Variants in HECW2 observed in about 807,000 individuals in gnomAD.
The protein encoded by HECW2 is HECT, C2 and WW domain containing E3 ubiquitin protein ligase 2, also known as E3 ubiquitin-protein ligase HECW2.
In HECW2, 61 loss-of-function variants were observed where a neutral mutation model predicts 175.2. The ratio of observed to expected loss-of-function variants is 0.35; its 90% CI spans 0.28 to 0.43. The LOEUF (loss-of-function observed/expected upper bound fraction) is 0.43, where lower values mean the gene tolerates loss of function less well. HECW2 is among the 20% of genes least tolerant of loss of function. The probability of loss-of-function intolerance (pLI) is 1.00; values close to 1 mark genes in which losing one functional copy is unlikely to be tolerated. For missense variants in HECW2, 1,524 were observed against 2,000.5 expected, an observed-to-expected ratio of 0.76 and a Z score of 4.54; for synonymous variants, 671 against 731.0, an observed-to-expected ratio of 0.92 and a Z score of 1.32.
chr2:196,404,158 G>C (rs1694896851), intron 2 of HECW2, among the ~76,000 whole-genome samples: 4 of 152,276 alleles, frequency 2.6e-5, no homozygotes, highest in Non-Finnish European at 1.5e-5. Context: ...TATCCACATA[G>C]GATACTCTTG....
rs78096366 is a variant in HECW2, at chr2:196,380,645, C to T, written c.293-36881G>A. ...AAATGGGGCTTTTCCAGAGAGCTGC[C>T]AGACATGTCAGGTAGTGACAATTCT... On this transcript the variant is annotated intron_variant, in intron 2 of 28. Transcript: ENST00000644978. 2.9e-3 allele frequency among the ~76,000 whole-genome samples: 434 copies of T among 152,246 alleles called. 1 individual carries two copies. Among genetic ancestry groups the T allele is most frequent in the African/African-American group, 9.4e-3 (391 of 41,546 alleles).
chr2:196,238,740 A>T (rs954439898), intron 21 of HECW2: 2 of 152,224 alleles, frequency 1.3e-5, no homozygotes, highest in Non-Finnish European at 2.9e-5. Flanking sequence ...TGATGGAGGC[A>T]GGAAGCATTT....
chr2:196,342,231 C>T (rs887454968), intron 3 of HECW2, among the ~76,000 whole-genome samples: 12 of 151,516 alleles, frequency 7.9e-5, no homozygotes, highest in African/African-American at 2.9e-4. Flanking sequence ...ATGGAGAAAC[C>T]CTGTCTCTAC....
At chr2:196,283,038 A>C (rs1690245006) in intron 14 of HECW2, among the ~76,000 whole-genome samples, 1 of 151,966 alleles carries the variant, frequency 6.6e-6, no homozygotes. Flanking sequence ...AGGCAGGCGG[A>C]TCATGAGGTC....
chr2:196,593,260 G>C (rs1467468096), intron 1 of HECW2, among the ~76,000 whole-genome samples: 1 of 151,474 alleles, frequency 6.6e-6, no homozygotes, highest in African/African-American at 2.4e-5. Context: ...CGAAGCCATG[G>C]CTCCCGCCCG....
chr2:196,409,483 T>A (rs1007274344), intron 2 of HECW2, among the ~76,000 whole-genome samples: 1 of 152,164 alleles, frequency 6.6e-6, no homozygotes, highest in Non-Finnish European at 1.5e-5. Flanking sequence ...CAGCAAGACA[T>A]GGATCAATCT....
intron 1 of HECW2, among the ~76,000 whole-genome samples, chr2:196,490,622 A>G (rs1481281814): frequency 3.3e-5 from 5 of 152,224 alleles, no homozygotes; most frequent in Non-Finnish European, 7.3e-5. Flanking sequence ...AGAAATAAAA[A>G]CATATGTTCA....
intron 1 of HECW2, among the ~76,000 whole-genome samples, chr2:196,450,423 C>T (rs1225043461): frequency 6.6e-6 from 1 of 151,940 alleles, no homozygotes; most frequent in African/African-American, 2.4e-5. Context: ...GCATGTTCAA[C>T]CACCATTGTC....
At chr2:196,345,035 A>G (rs1457105226) in intron 2 of HECW2, among the ~76,000 whole-genome samples, 2 of 152,192 alleles carry the variant, frequency 1.3e-5, no homozygotes, top group East Asian at 3.8e-4. Flanking sequence ...CCTTTCATGC[A>G]TTTGCATTGA....
At chr2:196,302,431 A>G (rs578077296) in intron 13 of HECW2, among the ~76,000 whole-genome samples, 11 of 152,190 alleles carry the variant, frequency 7.2e-5, no homozygotes, top group Non-Finnish European at 1.6e-4. Flanking sequence ...ATTTTAAAAT[A>G]GTTTTTTCTA....
Position 196,319,519 on chromosome 2 carries a change from G to T in HECW2, c.1371C>A (p.Leu457=), listed in dbSNP as rs1283404568. The T allele has an allele frequency of 6.2e-7, 1 of 1,614,154 alleles. No individual in the cohort carries two copies. Among genetic ancestry groups the T allele is most frequent in the South Asian group, 1.1e-5 (1 of 91,080 alleles). Residue 457 remains leucine (L), a synonymous_variant, in exon 9 of 29, where the codon CTC becomes CTA. Transcript: ENST00000644978. ...LRSSFPTDTR[L]NAMLHIDSDE... is the part of the protein sequence containing the mutation. Reference sequence around the variant, plus strand: ...CTGAATCAATATGAAGCATGGCATTGAGTCTTGTGTCAGTGGGAAAACTAC... The same window carrying T: ...CTGAATCAATATGAAGCATGGCATTTAGTCTTGTGTCAGTGGGAAAACTAC...
intron 17 of HECW2, among the ~76,000 whole-genome samples, chr2:196,261,378 A>G (rs529053555): frequency 1.3e-5 from 2 of 152,214 alleles, no homozygotes; most frequent in Non-Finnish European, 2.9e-5. Context: ...GTGGTGGTAG[A>G]ATCCACTCAT....
intron 13 of HECW2, among the ~76,000 whole-genome samples, chr2:196,293,115 C>A (rs1178442235): frequency 2.0e-5 from 3 of 152,174 alleles, no homozygotes; most frequent in Non-Finnish European, 4.4e-5. Context: ...TTAAGCCCAG[C>A]ACGCATTAGC....
intron 1 of HECW2, among the ~76,000 whole-genome samples, chr2:196,504,545 C>A (rs2125406922): frequency 6.6e-6 from 1 of 152,250 alleles, no homozygotes; most frequent in African/African-American, 2.4e-5. Flanking sequence ...ATCCACCATG[C>A]AAATGCTATG....
chr2:196,228,328 C>T lies in HECW2; in HGVS notation c.3765-74G>A. 2.2e-6 allele frequency: 3 copies of T among 1,378,950 alleles called. No homozygotes were observed. The South Asian group carries it at 4.2e-5, about 19-fold the overall frequency. The allele number at this position is 1,378,950 out of a possible 1,614,324, so 85.4% of individuals were successfully genotyped here. ...TATTGGGCAGTTTTTCTCCAGAGCT[C>T]AAGTTTCCATAGGATGCTCATTACA... On this transcript the variant is annotated intron_variant, in intron 21 of 28. Coordinates refer to ENST00000644978, the MANE Select transcript of HECW2 (RefSeq NM_001348768.2).
At chr2:196,469,993 T>C (rs1697129526) in intron 1 of HECW2, among the ~76,000 whole-genome samples, 1 of 152,066 alleles carries the variant, frequency 6.6e-6, no homozygotes, top group Non-Finnish European at 1.5e-5. Context: ...AGTTAAAACT[T>C]TCTTTAAAAA....
intron 2 of HECW2, among the ~76,000 whole-genome samples, chr2:196,400,573 G>GTTC (rs2125204140): frequency 6.6e-6 from 1 of 152,208 alleles, no homozygotes; most frequent in South Asian, 2.1e-4. Context: ...AAATTTTGTT[G>GTTC]TTCTACTCCT....
chr2:196,243,010 A>G (rs769956284), intron 19 of HECW2, among the ~76,000 whole-genome samples: 1 of 151,954 alleles, frequency 6.6e-6, no homozygotes, highest in Non-Finnish European at 1.5e-5. Flanking sequence ...CTTCTTTTAG[A>G]TATGCACTAT....
intron 2 of HECW2, among the ~76,000 whole-genome samples, chr2:196,344,046 G>T (rs1692860195): frequency 6.6e-6 from 1 of 152,138 alleles, no homozygotes; most frequent in African/African-American, 2.4e-5. Context: ...GGGTACAACT[G>T]CTACAACTTT....
Sources: allele counts gnomAD v4.1 joint callset (sites outside exome capture counted in the v4.1 genomes callset), GRCh38; gene constraint gnomAD v4.1.1; transcripts MANE v1.5; gene names NCBI Gene and HGNC (gene_info 2026-07-23, HGNC 2026-07-21).